Variants in NAPEPLD observed in about 807,000 individuals in gnomAD.
The protein encoded by NAPEPLD is N-acyl phosphatidylethanolamine phospholipase D.
NAPEPLD carries 23 observed loss-of-function variants against 38.1 expected under a neutral mutation model. The observed-to-expected ratio is 0.60, with a 90% confidence interval of 0.43 to 0.86. The LOEUF (loss-of-function observed/expected upper bound fraction) is 0.86, where lower values mean the gene tolerates loss of function less well. NAPEPLD is among the 40% of genes least tolerant of loss of function. NAPEPLD has a pLI of 0.00. For synonymous variants in NAPEPLD, 147 were observed against 162.0 expected (o/e 0.91, Z 0.71); for missense variants, 411 against 476.8 (o/e 0.86, Z 1.28).
At chr7:103,104,294 G>A (rs1181971538) in intron 4 of NAPEPLD, among the ~76,000 whole-genome samples, 1 of 152,224 alleles carries the variant, frequency 6.6e-6, no homozygotes, top group Admixed American at 6.5e-5. Context: ...AAACATCTGA[G>A]CTAGAGAGGA....
intron 4 of NAPEPLD, among the ~76,000 whole-genome samples, chr7:103,109,639 G>GA (rs1375298400): frequency 1.1e-4 from 17 of 152,258 alleles, no homozygotes; most frequent in African/African-American, 4.1e-4. Flanking sequence ...GCCCACAAGA[G>GA]AAAGCGGGAA....
At chr7:103,134,434 C>T (rs2129532933) in intron 1 of NAPEPLD, among the ~76,000 whole-genome samples, 1 of 152,110 alleles carries the variant, frequency 6.6e-6, no homozygotes, top group East Asian at 1.9e-4. Context: ...TGGATCACCT[C>T]AGGTCGGGAG....
At chr7:103,122,650 C>T (rs919433591) in intron 2 of NAPEPLD, among the ~76,000 whole-genome samples, 16 of 152,262 alleles carry the variant, frequency 1.1e-4, no homozygotes, top group African/African-American at 3.4e-4. Flanking sequence ...GATAGAATTA[C>T]GAGTGGCTGG....
At chr7:103,124,110 G>A (rs1807260667) in intron 2 of NAPEPLD, among the ~76,000 whole-genome samples, 2 of 151,892 alleles carry the variant, frequency 1.3e-5, no homozygotes, top group African/African-American at 4.8e-5. Context: ...GAGACCAGCA[G>A]GGCAACATAG....
intron 1 of NAPEPLD, among the ~76,000 whole-genome samples, chr7:103,143,743 C>G (rs547213978): frequency 2.7e-4 from 41 of 152,310 alleles, no homozygotes; most frequent in Admixed American, 2.3e-3. Context: ...CATATTTGAG[C>G]AATCTTTCAA....
intron 4 of NAPEPLD, among the ~76,000 whole-genome samples, chr7:103,110,523 A>G (rs1312208551): frequency 6.6e-6 from 1 of 152,222 alleles, no homozygotes; most frequent in African/African-American, 2.4e-5. Flanking sequence ...GGCCTTCGAC[A>G]AAATTCAACA....
In NAPEPLD at chr7:103,101,058, TAAGC is replaced by T. The variant is rs1479372803; in HGVS notation, c.*2367_*2370del. The stretch of plus-strand genomic sequence containing the variant: ...AGGCCATTCATGGAGAAGAAATACT[TAAGC>T]AAGACATACCTGGCTTGCTTCATAG... On this transcript the variant is annotated 3_prime_UTR_variant, in exon 5 of 5. Coordinates refer to ENST00000465647, the MANE Select transcript of NAPEPLD (RefSeq NM_001122838.3). 6 of 152,214 alleles carry T rather than the reference TAAGC, an allele frequency of 3.9e-5. No homozygotes were observed. Among genetic ancestry groups the T allele is most frequent in the Non-Finnish European group, 7.3e-5 (5 of 68,040 alleles). 9.4% of individuals were successfully genotyped at this position (152,214 alleles called of 1,614,324 possible). A position where few individuals can be genotyped will look rare whatever the true frequency, so the allele number is the denominator to read the frequency against.
chr7:103,149,933 G>T (rs1006704747), upstream of NAPEPLD, among the ~76,000 whole-genome samples: 1 of 152,178 alleles, frequency 6.6e-6, no homozygotes, highest in Non-Finnish European at 1.5e-5. Flanking sequence ...ATGTTGTACA[G>T]TACGTATTGA....
At chr7:103,137,694 T>C (rs1389975118) in intron 1 of NAPEPLD, among the ~76,000 whole-genome samples, 1 of 151,940 alleles carries the variant, frequency 6.6e-6, no homozygotes, top group African/African-American at 2.4e-5. Context: ...TGCGCATCTG[T>C]AGTCCCAGCT....
intron 2 of NAPEPLD, among the ~76,000 whole-genome samples, chr7:103,123,629 C>T (rs959577469): frequency 6.6e-6 from 1 of 152,206 alleles, no homozygotes; most frequent in African/African-American, 2.4e-5. Context: ...AGACACTGTA[C>T]TAACTGCTAC....
In NAPEPLD at chr7:103,128,803, C is replaced by A. The variant is rs1204250478; in HGVS notation, c.-16-11G>T. 1 of 1,592,728 alleles carries A rather than the reference C, an allele frequency of 6.3e-7. No homozygotes were observed. Among genetic ancestry groups the A allele is most frequent in the South Asian group, 1.2e-5 (1 of 86,862 alleles). On this transcript the variant is annotated splice_polypyrimidine_tract_variant and intron_variant, in intron 1 of 4. Transcript: ENST00000465647. ...TCCTTTGGTGAAGAACTAAAAAAAACAAGGGGGAAAAATACTGAGTTGAAC... is the reference window on the plus strand; with the variant it reads ...TCCTTTGGTGAAGAACTAAAAAAAAAAAGGGGGAAAAATACTGAGTTGAAC...
intron 1 of NAPEPLD, among the ~76,000 whole-genome samples, chr7:103,138,007 G>A (rs1485085280): frequency 2.1e-5 from 3 of 145,674 alleles, no homozygotes; most frequent in Admixed American, 7.1e-5. Flanking sequence ...AGACGGAGTC[G>A]CGTTCTGTTA....
intron 4 of NAPEPLD, among the ~76,000 whole-genome samples, chr7:103,109,176 T>A (rs989531269): frequency 1.3e-5 from 2 of 152,110 alleles, no homozygotes; most frequent in African/African-American, 4.8e-5. Context: ...ATTAGACAGA[T>A]CAACGAGACA....
intron 4 of NAPEPLD, among the ~76,000 whole-genome samples, chr7:103,109,820 A>C (rs1033543007): frequency 5.9e-5 from 9 of 152,138 alleles, no homozygotes; most frequent in Admixed American, 6.6e-5. Flanking sequence ...TGGATTCATT[A>C]GCCAGACTAA....
At chr7:103,128,376 T>G in intron 2 of NAPEPLD, 107 bp downstream of exon 2, 1 of 1,333,602 alleles carries the variant, frequency 7.5e-7, no homozygotes, top group East Asian at 2.3e-5. Flanking sequence ...CTATCCACTT[T>G]ATCTCCTCAG....
intron 4 of NAPEPLD, among the ~76,000 whole-genome samples, chr7:103,110,905 T>G (rs1285379805): frequency 4.4e-5 from 1 of 22,836 alleles, no homozygotes; most frequent in Non-Finnish European, 2.3e-3. Context: ...AATCAATGTA[T>G]CACAGCATTC....
In NAPEPLD at chr7:103,120,099, T is replaced by A. The variant is rs1219491112; in HGVS notation, c.419A>T (p.Asp140Val). The change falls in exon 3 of 5, where the codon GAT becomes GTT. Residue 140 changes from aspartate to valine, a missense_variant. Coordinates refer to ENST00000465647, the MANE Select transcript of NAPEPLD (RefSeq NM_001122838.3). ...GGGATCCGTGAGAAATATGAGCTCA[T>A]CCATTTCCACCATTACCGTGGCATG... ...LGHATVMVEM[D>V]ELIFLTDPIF... 2 of 1,614,044 alleles carry A rather than the reference T, an allele frequency of 1.2e-6. No individual in the cohort carries two copies. The highest frequency in any genetic ancestry group is 2.7e-5 in the African/African-American group (2 of 74,912).
chr7:103,124,590 G>C (rs1807378337), intron 2 of NAPEPLD, among the ~76,000 whole-genome samples: 1 of 152,136 alleles, frequency 6.6e-6, no homozygotes, highest in African/African-American at 2.4e-5. Flanking sequence ...TTTCTTGGCT[G>C]GTCTTCCTTT....
chr7:103,109,519 A>G (rs529866104), intron 4 of NAPEPLD, among the ~76,000 whole-genome samples: 53 of 152,306 alleles, frequency 3.5e-4, no homozygotes, highest in South Asian at 1.0e-3. Context: ...TAACAAAATT[A>G]AGGCAGAAAT....
Sources: gnomAD v4.1 joint callset for allele counts (sites outside exome capture counted in the v4.1 genomes callset) on GRCh38, gnomAD v4.1.1 for gene constraint, MANE v1.5 for transcripts, NCBI Gene and HGNC (gene_info 2026-07-23, HGNC 2026-07-21) for gene names.